The following SPIRE1 variants were observed in gnomAD, a reference collection of about 807,000 sequenced individuals.
The protein encoded by SPIRE1 is protein spire homolog 1.
Under a neutral mutation model 94.1 loss-of-function variants are expected in SPIRE1, and 40 were observed. The observed-to-expected ratio is 0.43, with a 90% CI of 0.33 to 0.55. The LOEUF (loss-of-function observed/expected upper bound fraction) is 0.55, where lower values mean the gene tolerates loss of function less well. SPIRE1 is among the 20% of genes least tolerant of loss of function. The pLI is 0.06. For missense variants in SPIRE1, 838 were observed against 975.2 expected (o/e 0.86, Z 1.87); for synonymous variants, 376 against 371.7 (o/e 1.01, Z -0.13).
chr18:12,635,722 C>T (rs2037904612), intron 1 of SPIRE1, among the ~76,000 whole-genome samples: 2 of 152,248 alleles, frequency 1.3e-5, no homozygotes, highest in South Asian at 4.1e-4. Flanking sequence ...TACCAAAGAA[C>T]ATGAACAATT....
intron 1 of SPIRE1, chr18:12,656,701 ACCT>A (rs916484847): frequency 1.9e-5 from 19 of 982,186 alleles, no homozygotes; most frequent in Admixed American, 1.2e-4. Flanking sequence ...CCTTTTCTCA[ACCT>A]CCTCCTCCTC....
intron 2 of SPIRE1, among the ~76,000 whole-genome samples, chr18:12,549,399 TC>T (rs2144301343): frequency 7.6e-6 from 1 of 132,008 alleles, no homozygotes; most frequent in South Asian, 2.7e-4. Context: ...ACCCTCCCCT[TC>T]TTTTTTTGTT....
Position 12,535,469 on chromosome 18 carries a change from T to C in SPIRE1, c.729+7A>G, listed in dbSNP as rs2034807837. The C allele has an allele frequency of 1.2e-6, 2 of 1,610,640 alleles. No homozygotes were observed. Among genetic ancestry groups the C allele is most frequent in the Non-Finnish European group, 1.7e-6 (2 of 1,177,588 alleles). On this transcript the variant is annotated splice_region_variant and intron_variant, in intron 4 of 16. Coordinates refer to ENST00000409402, the MANE Select transcript of SPIRE1 (RefSeq NM_001128626.2). ...ATGCCAATAAATATCAAAGCAGTAG[T>C]ACTCACCTCTTTCGCACTCTTAATT...
At chr18:12,479,599 G>C in intron 10 of SPIRE1, 100 bp downstream of exon 10, 1 of 1,111,766 alleles carries the variant, frequency 9.0e-7, no homozygotes, top group Non-Finnish European at 1.3e-6. Flanking sequence ...AAAATGGGAA[G>C]AGATTAAGCA....
At chr18:12,528,468 G>T (rs572841327) in intron 4 of SPIRE1, among the ~76,000 whole-genome samples, 4 of 152,294 alleles carry the variant, frequency 2.6e-5, no homozygotes, top group Middle Eastern at 6.8e-3. Flanking sequence ...CATTTTCTAG[G>T]TAGCGAAGAG....
chr18:12,535,365 CTT>C lies in SPIRE1; in HGVS notation c.729+109_729+110del, dbSNP rs1598444223. 6.7e-6 allele frequency: 8 copies of C among 1,189,096 alleles called. No homozygotes were observed. In the East Asian group the frequency reaches 2.0e-4, roughly 30 times the overall value. 73.7% of individuals were successfully genotyped at this position (1,189,096 alleles called of 1,614,324 possible). On this transcript the variant is annotated intron_variant, in intron 4 of 16. Coordinates refer to ENST00000409402, the MANE Select transcript of SPIRE1 (RefSeq NM_001128626.2). ...ACTCATCTAAAGGATAGTAATAAATCTTTTAAAACAATACAGCGGACAATATT... is the reference window on the plus strand; with the variant it reads ...ACTCATCTAAAGGATAGTAATAAATCTTAAAACAATACAGCGGACAATATT...
chr18:12,487,001 C>CA (rs1485095540), intron 8 of SPIRE1, among the ~76,000 whole-genome samples: 3 of 151,992 alleles, frequency 2.0e-5, no homozygotes, highest in Non-Finnish European at 4.4e-5. Context: ...TACAGGTGCC[C>CA]ACCAGCATGC....
rs534365939 is a variant in SPIRE1, at chr18:12,657,484, G to A, written c.337+46C>T. On this transcript the variant is annotated intron_variant, in intron 1 of 16. Coordinates refer to ENST00000409402, the MANE Select transcript of SPIRE1 (RefSeq NM_001128626.2). ...ACGCTGAGGGTAAGGCGGCCCAGCC[G>A]CGGGTGTTCCAAGAACTACGAGGGA... 8.3e-4 allele frequency: 1,009 copies of A among 1,215,196 alleles called. 1 individual carries two copies. Among genetic ancestry groups the A allele is most frequent in the Non-Finnish European group, 9.5e-4 (927 of 975,374 alleles). The allele number at this position is 1,215,196 out of a possible 1,614,324, so 75.3% of individuals were successfully genotyped here. A position where few individuals can be genotyped will look rare whatever the true frequency, so the allele number is the denominator to read the frequency against.
intron 2 of SPIRE1, among the ~76,000 whole-genome samples, chr18:12,576,436 G>A (rs1029269281): frequency 6.6e-6 from 1 of 151,666 alleles, no homozygotes; most frequent in Non-Finnish European, 1.5e-5. Flanking sequence ...ACGAAAATTA[G>A]CCAGGTGTGG....
chr18:12,515,477 A>G (rs1285285616), intron 4 of SPIRE1, among the ~76,000 whole-genome samples: 1 of 152,166 alleles, frequency 6.6e-6, no homozygotes, highest in Non-Finnish European at 1.5e-5. Context: ...AGATCACACC[A>G]CTGCACTCCA....
intron 2 of SPIRE1, among the ~76,000 whole-genome samples, chr18:12,577,251 C>T (rs2036131912): frequency 6.6e-6 from 1 of 152,140 alleles, no homozygotes. Flanking sequence ...AGGGTTACAC[C>T]ATTCTCCTGC....
At chr18:12,602,677 C>A (rs558911979) in intron 2 of SPIRE1, among the ~76,000 whole-genome samples, 5 of 152,274 alleles carry the variant, frequency 3.3e-5, no homozygotes, top group African/African-American at 9.6e-5. Context: ...GAGGCTGCAA[C>A]CCAGATATAG....
intron 10 of SPIRE1, among the ~76,000 whole-genome samples, chr18:12,478,534 T>C (rs954450103): frequency 7.0e-6 from 1 of 142,578 alleles, no homozygotes; most frequent in South Asian, 2.3e-4. Flanking sequence ...TGTGTGTGTG[T>C]AGCTAGGGTG....
At chr18:12,490,399 AAAG>A (rs776648206) in intron 8 of SPIRE1, among the ~76,000 whole-genome samples, 7 of 152,162 alleles carry the variant, frequency 4.6e-5, no homozygotes, top group Non-Finnish European at 1.0e-4. Context: ...CCAAATATTG[AAAG>A]AAGAATTAAT....
intron 2 of SPIRE1, among the ~76,000 whole-genome samples, chr18:12,549,998 A>G (rs2035303365): frequency 6.6e-6 from 1 of 152,100 alleles, no homozygotes; most frequent in South Asian, 2.1e-4. Context: ...CTTTAATCCA[A>G]CACTCTTTTC....
intron 2 of SPIRE1, among the ~76,000 whole-genome samples, chr18:12,579,186 T>TACACAC (rs755425946): frequency 0.043 from 4,700 of 108,414 alleles, 127 homozygotes; most frequent in South Asian, 0.11. Context: ...GGAAAAAGTT[T>TACACAC]ACACACACAC....
Position 12,612,804 on chromosome 18 carries a change from ATC to A in SPIRE1, c.372+22256_372+22257del, listed in dbSNP as rs372290814. On this transcript the variant is annotated intron_variant, in intron 2 of 16. Coordinates refer to ENST00000409402, the MANE Select transcript of SPIRE1 (RefSeq NM_001128626.2). ...CCCACCTCCAGGCCTGCCAATACTG[ATC>A]TCTCTGTCTGAAATGCTCTTCCCCC... Among the ~76,000 whole-genome samples the A allele has an allele frequency of 2.6e-4, 40 of 152,144 alleles. No homozygotes were observed. The East Asian group carries it at 7.6e-3, about 29-fold the overall frequency.
chr18:12,481,091 A>C (rs1365610811), intron 9 of SPIRE1, among the ~76,000 whole-genome samples: 2 of 152,152 alleles, frequency 1.3e-5, no homozygotes, highest in Admixed American at 6.5e-5. Context: ...GCACTTTGGG[A>C]GGCCGAGCCA....
chr18:12,468,865 C>T (rs1375361950), intron 10 of SPIRE1, among the ~76,000 whole-genome samples: 3 of 152,040 alleles, frequency 2.0e-5, no homozygotes, highest in Admixed American at 2.0e-4. Context: ...TTGAGACTAG[C>T]CTAAGGAACA....
Sources: allele counts gnomAD v4.1 joint callset (sites outside exome capture counted in the v4.1 genomes callset), GRCh38; gene constraint gnomAD v4.1.1; transcripts MANE v1.5; gene names NCBI Gene and HGNC (gene_info 2026-07-23, HGNC 2026-07-21).